The following ZNF14 variants were observed in gnomAD, a reference collection of about 807,000 sequenced individuals.
ZNF14 encodes gonadotropin inducible transcription repressor-4.
A neutral mutation model predicts 11.3 loss-of-function variants in ZNF14; 9 were observed. The ratio of observed to expected loss-of-function variants is 0.80; its 90% CI spans 0.48 to 1.39. The LOEUF is 1.39. Ranked by LOEUF, ZNF14 falls within the 40% of genes most tolerant of loss-of-function variation. The pLI, the probability that ZNF14 is intolerant of heterozygous loss-of-function variation, is 0.00. For missense variants in ZNF14, 711 were observed against 763.9 expected (o/e 0.93, Z 0.82); for synonymous variants, 239 against 245.7 (o/e 0.97, Z 0.25).
At position 19,732,840 on chromosome 19, in the gene ZNF14, C is replaced by G. The variant is rs2062427992; in HGVS notation, c.3+116G>C. ...GAGAGGACCGAGGGCCGAACTGCGC[C>G]CGCGGTGGCCCCCGGGTCTGCAAAC... On this transcript the variant is annotated intron_variant, in intron 1 of 3. Transcript: ENST00000344099. The G allele has an allele frequency of 2.8e-6, 4 of 1,406,928 alleles. No individual in the cohort carries two copies. In the South Asian group the frequency reaches 5.3e-5, roughly 19 times the overall value. 87.2% of individuals were successfully genotyped at this position (1,406,928 alleles called of 1,614,324 possible). A position where few individuals can be genotyped will look rare whatever the true frequency, so the allele number is the denominator to read the frequency against.
intron 1 of ZNF14, among the ~76,000 whole-genome samples, chr19:19,732,584 A>G (rs2145109682): frequency 6.6e-6 from 1 of 152,370 alleles, no homozygotes; most frequent in East Asian, 1.9e-4. Flanking sequence ...GAGGAAACGC[A>G]CCCGTGGATT....
intron 3 of ZNF14, among the ~76,000 whole-genome samples, 184 bp downstream of exon 3, chr19:19,713,907 G>T (rs948429779): frequency 6.6e-6 from 1 of 152,036 alleles, no homozygotes; most frequent in Non-Finnish European, 1.5e-5. Context: ...TATAAAAGGG[G>T]TTTCTAAATG....
chr19:19,722,036 A>C (rs1277459274), intron 1 of ZNF14, among the ~76,000 whole-genome samples: 19 of 151,716 alleles, frequency 1.3e-4, no homozygotes, highest in Admixed American at 1.2e-3. Flanking sequence ...CGCCTTTCTC[A>C]TTCACCTCTG....
At chr19:19,721,333 T>C (rs980273499) in intron 1 of ZNF14, among the ~76,000 whole-genome samples, 3 of 152,176 alleles carry the variant, frequency 2.0e-5, no homozygotes, top group African/African-American at 7.2e-5. Context: ...GATTATACCT[T>C]ACAAGGGGAG....
At position 19,732,941 on chromosome 19, in the gene ZNF14, G is replaced by T. The variant is rs750524564; in HGVS notation, c.3+15C>A. ...ACCAGAAACCTCCCCTCGGACACTG[G>T]CCCCGCACACTCACCATTTCCCAGC... On this transcript the variant is annotated intron_variant, in intron 1 of 3. Coordinates refer to ENST00000344099, the MANE Select transcript of ZNF14 (RefSeq NM_021030.3). 14 of 1,613,470 alleles carry T rather than the reference G, an allele frequency of 8.7e-6. No homozygotes were observed. The highest frequency in any genetic ancestry group is 1.1e-5 in the Non-Finnish European group (13 of 1,179,608).
rs1365354413 is a variant in ZNF14, at chr19:19,714,375, T to G, written c.116A>C (p.Asn39Thr). Residue 39 changes from asparagine (N) to threonine (T), a missense_variant, in exon 2 of 4, where the codon AAC becomes ACC. Asn to Thr is a moderately conservative substitution (Grantham distance 65). Transcript: ENST00000344099. ...YEDVMQETFKNLVCLGKKWED... is the reference protein window; with the variant it reads ...YEDVMQETFKTLVCLGKKWED... Reference sequence around the variant, plus strand: ...GATATCCTTACCTAGACAAACCAGGTTTTTGAAGGTCTCCTGCATCACATC... The same window carrying G: ...GATATCCTTACCTAGACAAACCAGGGTTTTGAAGGTCTCCTGCATCACATC... 6.2e-7 allele frequency: 1 copy of G among 1,613,978 alleles called. No individual in the cohort carries two copies.
At position 19,710,907 on chromosome 19, in the gene ZNF14, G is replaced by A. The variant is rs913213901; in HGVS notation, c.*445C>T. The stretch of plus-strand genomic sequence containing the variant: ...TTAGCCTCCTGAGTAGCTGGGATTA[G>A]AGGCATGCACTACCATGCCTGGTTC... On this transcript the variant is annotated 3_prime_UTR_variant, in exon 4 of 4. Transcript: ENST00000344099. The A allele has an allele frequency of 1.9e-5, 3 of 157,190 alleles. No individual in the cohort carries two copies. The highest frequency in any genetic ancestry group is 7.2e-5 in the African/African-American group (3 of 41,444). 9.7% of individuals were successfully genotyped at this position (157,190 alleles called of 1,614,324 possible).
chr19:19,725,792 CTCTAAAGT>C lies in ZNF14; in HGVS notation c.3+7156_3+7163del, dbSNP rs2062404931. On this transcript the variant is annotated intron_variant, in intron 1 of 3. Coordinates refer to ENST00000344099, the MANE Select transcript of ZNF14 (RefSeq NM_021030.3). ...GTTAATTTCTTTTTACTCTTTTTTT[CTCTAAAGT>C]TCTCTTCTCACTTCATTTCATTCAT... Among the ~76,000 whole-genome samples, 2 of 133,324 alleles carry C rather than the reference CTCTAAAGT, an allele frequency of 1.5e-5. 1 individual carries two copies. Among genetic ancestry groups the C allele is most frequent in the Non-Finnish European group, 3.3e-5 (2 of 60,130 alleles). The allele number at this position is 133,324 out of a possible 152,430, so 87.5% of individuals were successfully genotyped here.
intron 1 of ZNF14, among the ~76,000 whole-genome samples, chr19:19,723,932 C>CT (rs2062400103): frequency 7.5e-6 from 1 of 133,628 alleles, no homozygotes; most frequent in South Asian, 2.4e-4. Context: ...GTGATATCCC[C>CT]TTTATCATTT....
chr19:19,729,101 C>T (rs1329975078), intron 1 of ZNF14, among the ~76,000 whole-genome samples: 2 of 152,072 alleles, frequency 1.3e-5, no homozygotes, highest in African/African-American at 4.8e-5. Context: ...CTCAGCCTCC[C>T]AAGTAGCTGG....
chr19:19,713,763 T>TTTTTTTTTTTTTTTTA, intron 3 of ZNF14, among the ~76,000 whole-genome samples: 1 of 148,930 alleles, frequency 6.7e-6, no homozygotes, highest in African/African-American at 2.5e-5. Context: ...TTTTTTTTTT[T>TTTTTTTTTTTTTTTTA]CCCCAGATGA....
At chr19:19,715,260 T>C (rs1419663690) in intron 1 of ZNF14, among the ~76,000 whole-genome samples, 5 of 152,234 alleles carry the variant, frequency 3.3e-5, no homozygotes, top group African/African-American at 9.6e-5. Flanking sequence ...TAGGCTTTTC[T>C]TTTATTCCCA....
intron 1 of ZNF14, among the ~76,000 whole-genome samples, chr19:19,728,214 C>T (rs2062411631): frequency 7.5e-6 from 1 of 132,710 alleles, no homozygotes; most frequent in Admixed American, 7.4e-5. Context: ...AATCCCAGTA[C>T]CACAGTCAAA....
rs114388860 is a variant in ZNF14, at chr19:19,712,062, G to T, written c.1219C>A (p.Arg407=). ...CCAGTGTGAGTTGTTTCGTGTTCTC[G>T]AAGGGAACTTGAAAAACTGAAGGTT... ...HKTFSFSSSL[R]EHETTHTGEK... The change falls in exon 4 of 4, where the codon CGA becomes AGA. Residue 407 remains arginine (R), a synonymous_variant. Coordinates refer to ENST00000344099, the MANE Select transcript of ZNF14 (RefSeq NM_021030.3). 1.1e-5 allele frequency: 18 copies of T among 1,613,754 alleles called. 1 individual carries two copies. The South Asian group carries it at 2.0e-4, about 18-fold the overall frequency.
At chr19:19,721,230 A>C (rs1489363494) in intron 1 of ZNF14, among the ~76,000 whole-genome samples, 46 of 152,214 alleles carry the variant, frequency 3.0e-4, no homozygotes, top group Admixed American at 3.0e-3. Flanking sequence ...TGCTAGGATT[A>C]CAGGCATGAG....
chr19:19,712,751 G>C lies in ZNF14; in HGVS notation c.530C>G (p.Ala177Gly). The change falls in exon 4 of 4, where the codon GCC becomes GGC. Residue 177 changes from alanine to glycine, a missense_variant. Coordinates refer to ENST00000344099, the MANE Select transcript of ZNF14 (RefSeq NM_021030.3). ...TTGAAATGGCTGGTAATATATAAAG[G>C]CTTTCCCACACTGTTTACATTCATA... ...KPYECKQCGK[A>G]FIYYQPFQRH... is the part of the protein sequence containing the mutation. The C allele has an allele frequency of 6.2e-7, 1 of 1,613,526 alleles. No homozygotes were observed. Among genetic ancestry groups the C allele is most frequent in the South Asian group, 1.1e-5 (1 of 90,958 alleles).
Position 19,727,013 on chromosome 19 carries a change from T to C in ZNF14, c.3+5943A>G, listed in dbSNP as rs1448578707. ...GCTTCCCTTGACTAGGAAAGGGAAT[T>C]CCCCGACCCCTTGCACTTCCCAAGT... On this transcript the variant is annotated intron_variant, in intron 1 of 3. Transcript: ENST00000344099. Among the ~76,000 whole-genome samples, 2 of 133,822 alleles carry C rather than the reference T, an allele frequency of 1.5e-5. 1 individual carries two copies. The highest frequency in any genetic ancestry group is 5.5e-5 in the African/African-American group (2 of 36,266). 87.8% of individuals were successfully genotyped at this position (133,822 alleles called of 152,430 possible).
At chr19:19,714,553 A>C in intron 1 of ZNF14, 66 bp from the exon 2 acceptor site, 1 of 1,540,212 alleles carries the variant, frequency 6.5e-7, no homozygotes, top group South Asian at 1.3e-5. Flanking sequence ...TCTATACTTG[A>C]TTTGTAAGAA....
At chr19:19,716,276 A>C (rs2062377617) in intron 1 of ZNF14, among the ~76,000 whole-genome samples, 1 of 145,274 alleles carries the variant, frequency 6.9e-6, no homozygotes, top group African/African-American at 2.5e-5. Flanking sequence ...GAGGAATGAG[A>C]TTTTATTTTA....
Sources: gnomAD v4.1 joint callset for allele counts (sites outside exome capture counted in the v4.1 genomes callset) on GRCh38, gnomAD v4.1.1 for gene constraint, MANE v1.5 for transcripts, NCBI Gene and HGNC (gene_info 2026-07-23, HGNC 2026-07-21) for gene names.